ADAMTSL1: variants seen among roughly 807,000 people sequenced by gnomAD.
ADAMTSL1 encodes ADAMTS-like protein 1.
Under a neutral mutation model 201.8 loss-of-function variants are expected in ADAMTSL1, and 126 were observed. That is an observed-to-expected ratio of 0.62 (90% CI 0.54 to 0.72). ADAMTSL1 has a LOEUF of 0.72. ADAMTSL1 is among the 30% of genes least tolerant of loss of function. ADAMTSL1 has a pLI of 0.00. For synonymous variants in ADAMTSL1, 1,121 were observed against 903.4 expected (o/e 1.24, Z -4.32); for missense variants, 2,679 against 2,277.8 (o/e 1.18, Z -3.59).
intron 1 of ADAMTSL1, among the ~76,000 whole-genome samples, chr9:18,057,345 TATGGGATGCTAAAGAATGA>T (rs1822240402): frequency 6.6e-6 from 1 of 152,210 alleles, no homozygotes; most frequent in African/African-American, 2.4e-5. Context: ...GGAAATTGGC[TATGGGATGCTAAAGAATGA>T]TTTTATAAAC....
At chr9:18,676,203 C>G (rs1587867132) in intron 10 of ADAMTSL1, among the ~76,000 whole-genome samples, 1 of 152,148 alleles carries the variant, frequency 6.6e-6, no homozygotes, top group East Asian at 1.9e-4. Context: ...TTCTTTCCCT[C>G]CCTTTGTTCT....
chr9:18,744,403 A>G (rs1819012259), intron 15 of ADAMTSL1, among the ~76,000 whole-genome samples: 2 of 152,298 alleles, frequency 1.3e-5, no homozygotes, highest in East Asian at 3.9e-4. Context: ...ACATGTCACA[A>G]ATGTCCTTCT....
chr9:17,927,308 A>C (rs181611896), intron 1 of ADAMTSL1, among the ~76,000 whole-genome samples: 16 of 152,340 alleles, frequency 1.1e-4, no homozygotes, highest in African/African-American at 3.8e-4. Flanking sequence ...GTACACATAC[A>C]TGTATACATA....
chr9:18,653,999 G>A (rs148505778), intron 7 of ADAMTSL1, among the ~76,000 whole-genome samples: 8 of 152,290 alleles, frequency 5.3e-5, no homozygotes, highest in South Asian at 2.1e-4. Context: ...AGGCCGAGGC[G>A]GGTGGATCAC....
intron 26 of ADAMTSL1, among the ~76,000 whole-genome samples, chr9:18,901,044 C>T (rs985157798): frequency 6.6e-6 from 1 of 152,084 alleles, no homozygotes; most frequent in African/African-American, 2.4e-5. Context: ...TTGCCTTCCT[C>T]TATGATTGTA....
At chr9:18,099,885 C>G (rs1824442488) in intron 1 of ADAMTSL1, among the ~76,000 whole-genome samples, 1 of 152,072 alleles carries the variant, frequency 6.6e-6, no homozygotes, top group South Asian at 2.1e-4. Context: ...CTCAGCCTCC[C>G]AAAGTGCAAG....
intron 20 of ADAMTSL1, among the ~76,000 whole-genome samples, chr9:18,802,537 A>C (rs984651179): frequency 4.6e-5 from 7 of 152,190 alleles, no homozygotes; most frequent in African/African-American, 1.7e-4. Flanking sequence ...ATGTCGTAGC[A>C]TTATTCTTGT....
chr9:18,675,393 C>T (rs533342030), intron 9 of ADAMTSL1, among the ~76,000 whole-genome samples: 5 of 152,088 alleles, frequency 3.3e-5, no homozygotes, highest in Non-Finnish European at 5.9e-5. Flanking sequence ...ATAGTATTGT[C>T]AATTCTGAAG....
intron 23 of ADAMTSL1, among the ~76,000 whole-genome samples, chr9:18,882,297 C>G (rs185536421): frequency 7.2e-5 from 11 of 152,260 alleles, no homozygotes; most frequent in East Asian, 1.9e-4. Context: ...GCTGACCAAA[C>G]AGGATTCATG....
At chr9:18,192,013 C>T (rs572824485) in intron 2 of ADAMTSL1, among the ~76,000 whole-genome samples, 9 of 152,194 alleles carry the variant, frequency 5.9e-5, no homozygotes, top group South Asian at 2.1e-4. Context: ...TGGGTATGAT[C>T]GTTACGGTGT....
At chr9:18,720,041 A>T (rs915135042) in intron 14 of ADAMTSL1, among the ~76,000 whole-genome samples, 1 of 152,244 alleles carries the variant, frequency 6.6e-6, no homozygotes, top group Non-Finnish European at 1.5e-5. Context: ...AAGTATCTTT[A>T]TATACACAGC....
At chr9:17,995,468 T>C (rs1819332278) in intron 1 of ADAMTSL1, among the ~76,000 whole-genome samples, 1 of 152,106 alleles carries the variant, frequency 6.6e-6, no homozygotes, top group Non-Finnish European at 1.5e-5. Flanking sequence ...CTGAAAGACT[T>C]AGTAAGGAGG....
At chr9:18,266,481 A>G (rs890982113) in intron 2 of ADAMTSL1, among the ~76,000 whole-genome samples, 1 of 152,176 alleles carries the variant, frequency 6.6e-6, no homozygotes, top group Non-Finnish European at 1.5e-5. Flanking sequence ...ATCAAAAATG[A>G]TACTTCATGA....
chr9:18,697,386 A>G (rs1316384150), intron 13 of ADAMTSL1, among the ~76,000 whole-genome samples: 2 of 152,200 alleles, frequency 1.3e-5, no homozygotes, highest in African/African-American at 2.4e-5. Flanking sequence ...TTCTATCTCT[A>G]TGGAGTTGCA....
intron 23 of ADAMTSL1, among the ~76,000 whole-genome samples, chr9:18,858,670 C>A (rs1563864439): frequency 1.3e-5 from 2 of 152,186 alleles, no homozygotes; most frequent in African/African-American, 4.8e-5. Context: ...TTGGCCAGAT[C>A]CCTGATTATT....
intron 2 of ADAMTSL1, among the ~76,000 whole-genome samples, chr9:18,385,542 A>G (rs1369153265): frequency 6.6e-6 from 1 of 152,226 alleles, no homozygotes; most frequent in African/African-American, 2.4e-5. Flanking sequence ...TTTAATTTGA[A>G]GACAGGTAAT....
chr9:18,055,369 A>G (rs1423057512), intron 1 of ADAMTSL1, among the ~76,000 whole-genome samples: 1 of 152,198 alleles, frequency 6.6e-6, no homozygotes. Flanking sequence ...CATGTGGTAA[A>G]TGCTGCCACA....
intron 2 of ADAMTSL1, among the ~76,000 whole-genome samples, chr9:18,213,420 C>T (rs944130322): frequency 6.6e-6 from 1 of 152,180 alleles, no homozygotes; most frequent in African/African-American, 2.4e-5. Context: ...AAGTTGCAAA[C>T]TCCCAGCGCC....
intron 1 of ADAMTSL1, among the ~76,000 whole-genome samples, chr9:18,045,116 C>T (rs1821604599): frequency 1.3e-5 from 2 of 152,200 alleles, no homozygotes; most frequent in African/African-American, 2.4e-5. Context: ...GCTCTAGTTC[C>T]TCATCAGGAA....
Sources: allele counts gnomAD v4.1 joint callset (sites outside exome capture counted in the v4.1 genomes callset), GRCh38; gene constraint gnomAD v4.1.1; transcripts MANE v1.5; gene names NCBI Gene and HGNC (gene_info 2026-07-23, HGNC 2026-07-21).